The following NAV3 variants were observed in gnomAD, a reference collection of about 807,000 sequenced individuals.
NAV3 encodes the protein pore membrane and/or filament interacting like protein 1.
A neutral mutation model predicts 244.7 loss-of-function variants in NAV3; 87 were observed. The observed-to-expected ratio is 0.36, with a 90% confidence interval of 0.30 to 0.42. The LOEUF is 0.42. Among genes scored for constraint, NAV3 ranks in the 20% least tolerant of loss-of-function variants. The pLI is 1.00. For synonymous variants in NAV3, 1,126 were observed against 1,042.2 expected, an observed-to-expected ratio of 1.08 and a Z score of -1.55; for missense variants, 2,663 against 2,893.3, an observed-to-expected ratio of 0.92 and a Z score of 1.83.
chr12:77,594,765 AATT>A (rs1447396609), intron 2 of NAV3, among the ~76,000 whole-genome samples: 1 of 152,226 alleles, frequency 6.6e-6, no homozygotes, highest in Non-Finnish European at 1.5e-5. Flanking sequence ...TACTTCATAG[AATT>A]TGTAAATAGC....
chr12:77,838,033 T>A (rs1874975991), intron 1 of NAV3, among the ~76,000 whole-genome samples: 1 of 152,216 alleles, frequency 6.6e-6, no homozygotes, highest in Non-Finnish European at 1.5e-5. Flanking sequence ...TTTCCAGAGC[T>A]GGCCAGGCCT....
intron 20 of NAV3, among the ~76,000 whole-genome samples, chr12:78,142,511 T>C (rs1256377074): frequency 6.6e-6 from 1 of 151,706 alleles, no homozygotes; most frequent in African/African-American, 2.4e-5. Flanking sequence ...AGCTACTAGA[T>C]TGGATAGTGC....
chr12:78,080,156 ACT>A (rs1566103760), intron 12 of NAV3, among the ~76,000 whole-genome samples: 1 of 152,162 alleles, frequency 6.6e-6, no homozygotes, highest in African/African-American at 2.4e-5. Flanking sequence ...TATAGTTTAC[ACT>A]GTTTCTAACT....
intron 9 of NAV3, among the ~76,000 whole-genome samples, chr12:78,037,564 A>G (rs1027605014): frequency 3.3e-5 from 5 of 152,056 alleles, no homozygotes; most frequent in African/African-American, 7.2e-5. Context: ...TTTTTTGGTA[A>G]AACTGAGCTA....
rs897487969 is a variant in NAV3 at position 78,024,599 on chromosome 12, C to T, written c.2023+2737C>T. On this transcript the variant is annotated intron_variant, in intron 9 of 39. Transcript: ENST00000397909. ...ACTCTGCTTTTACTTAGATTACTCTCTCTTCTCTTTAATAGCTCCCTCCCA... is the reference window on the plus strand; with the variant it reads ...ACTCTGCTTTTACTTAGATTACTCTTTCTTCTCTTTAATAGCTCCCTCCCA... 2.6e-5 allele frequency among the ~76,000 whole-genome samples: 4 copies of T among 152,144 alleles called. No individual in the cohort carries two copies. The East Asian group carries it at 7.7e-4, about 29-fold the overall frequency.
chr12:77,624,984 A>T (rs1481235586), intron 2 of NAV3, among the ~76,000 whole-genome samples: 2 of 152,220 alleles, frequency 1.3e-5, no homozygotes, highest in Non-Finnish European at 2.9e-5. Context: ...GTGATAAAAT[A>T]ATCTGTGCAG....
At chr12:77,663,277 T>C (rs1010114274) in intron 2 of NAV3, among the ~76,000 whole-genome samples, 2 of 152,210 alleles carry the variant, frequency 1.3e-5, no homozygotes, top group African/African-American at 4.8e-5. Context: ...ACATACATCA[T>C]ATTCTGACTA....
At chr12:77,610,689 T>G (rs1870872358) in intron 2 of NAV3, among the ~76,000 whole-genome samples, 1 of 152,054 alleles carries the variant, frequency 6.6e-6, no homozygotes, top group Non-Finnish European at 1.5e-5. Context: ...GAACATTTCA[T>G]ATGTGACTGA....
At chr12:77,800,280 C>T (rs1871638819) in intron 2 of NAV3, among the ~76,000 whole-genome samples, 1 of 152,070 alleles carries the variant, frequency 6.6e-6, no homozygotes, top group African/African-American at 2.4e-5. Flanking sequence ...TGAAAGTGTT[C>T]CTAATGCAGA....
intron 18 of NAV3, chr12:78,130,959 C>A: frequency 6.0e-6 from 1 of 167,990 alleles, no homozygotes; most frequent in South Asian, 1.7e-4. Context: ...GCTCCTGCAC[C>A]CATGGACCAC....
rs527791398 is a variant in NAV3 at position 78,006,952 on chromosome 12, A to G, written c.1414A>G (p.Asn472Asp). The G allele has an allele frequency of 6.8e-6, 11 of 1,614,028 alleles. 1 individual carries two copies. In the South Asian group the frequency reaches 1.1e-4, roughly 16 times the overall value. Residue 472 changes from asparagine (N) to aspartate (D), a missense_variant, in exon 8 of 40, where the codon AAC becomes GAC. This residue lies in a region of NAV3 where 1,521 missense variants were observed against 1,497.0 expected (regional missense o/e 1.02). Coordinates refer to ENST00000397909, the MANE Select transcript of NAV3 (RefSeq NM_001024383.2). ...ACAGCCAAAGGAAAAAGAAGAAAAG[A>G]ACAGGGACAAAAATAAAGTTTGCAC... is the stretch of plus-strand genomic sequence containing the variant. The part of the protein sequence containing the change: ...LLQPKEKEEK[N>D]RDKNKVCTEK...
chr12:77,767,964 G>T (rs960718689), intron 2 of NAV3, among the ~76,000 whole-genome samples: 1 of 152,248 alleles, frequency 6.6e-6, no homozygotes, highest in Non-Finnish European at 1.5e-5. Flanking sequence ...ACTGGAGGGT[G>T]AGCAAGGTGA....
intron 1 of NAV3, among the ~76,000 whole-genome samples, chr12:77,895,894 G>T (rs1884556100): frequency 6.8e-6 from 1 of 147,280 alleles, no homozygotes; most frequent in East Asian, 2.0e-4. Context: ...CTGACAGGGG[G>T]ATCTAATTAT....
chr12:78,198,942 A>G (rs1398913047), intron 36 of NAV3: 9 of 455,204 alleles, frequency 2.0e-5, no homozygotes, highest in African/African-American at 1.6e-4. Context: ...AAGGAAAGAA[A>G]AAAGAAAAGT....
chr12:77,685,443 A>T (rs1874676756), intron 2 of NAV3, among the ~76,000 whole-genome samples: 1 of 150,598 alleles, frequency 6.6e-6, no homozygotes, highest in African/African-American at 2.5e-5. Flanking sequence ...TCCAGCTCAA[A>T]TCTTTAAGAT....
intron 3 of NAV3, among the ~76,000 whole-genome samples, chr12:77,964,215 G>C (rs1468094434): frequency 2.6e-5 from 4 of 151,922 alleles, no homozygotes; most frequent in Non-Finnish European, 4.4e-5. Context: ...TACAAACTTA[G>C]TTACAGACTC....
At chr12:77,921,874 T>A (rs1167804717) in intron 1 of NAV3, among the ~76,000 whole-genome samples, 1 of 152,112 alleles carries the variant, frequency 6.6e-6, no homozygotes, top group Non-Finnish European at 1.5e-5. Flanking sequence ...TGGGGCAAAT[T>A]AGTCAATGAA....
intron 12 of NAV3, among the ~76,000 whole-genome samples, chr12:78,065,159 T>C (rs987439577): frequency 4.6e-5 from 7 of 151,936 alleles, no homozygotes; most frequent in African/African-American, 1.5e-4. Context: ...CTGGTGATGA[T>C]ACCACCTGTG....
intron 2 of NAV3, among the ~76,000 whole-genome samples, chr12:77,668,344 C>A (rs997895513): frequency 1.1e-4 from 17 of 151,746 alleles, no homozygotes; most frequent in African/African-American, 3.9e-4. Flanking sequence ...CAAGGAGGCA[C>A]CAGAGAAACG....
Sources: allele counts gnomAD v4.1 joint callset (sites outside exome capture counted in the v4.1 genomes callset), GRCh38; gene constraint gnomAD v4.1.1; regional missense constraint gnomAD v4.1.1; transcripts MANE v1.5; gene names NCBI Gene and HGNC (gene_info 2026-07-23, HGNC 2026-07-21).